Variants in SLC41A2 observed in about 807,000 individuals in gnomAD.
The protein encoded by SLC41A2 is solute carrier family 41 member 2.
A neutral mutation model predicts 58.3 loss-of-function variants in SLC41A2; 32 were observed. The observed-to-expected ratio is 0.55, with a 90% CI of 0.41 to 0.74. SLC41A2 has a LOEUF of 0.74. Ranked by LOEUF, SLC41A2 falls within the 30% of genes least tolerant of loss-of-function variation. The probability of loss-of-function intolerance (pLI) is 0.00; values close to 1 mark genes in which losing one functional copy is unlikely to be tolerated. For synonymous variants in SLC41A2, 190 were observed against 235.0 expected (o/e 0.81, Z 1.75); for missense variants, 514 against 680.6 (o/e 0.76, Z 2.72).
At chr12:104,904,357 T>C (rs1474866140) in intron 3 of SLC41A2, among the ~76,000 whole-genome samples, 2 of 152,230 alleles carry the variant, frequency 1.3e-5, no homozygotes, top group African/African-American at 4.8e-5. Flanking sequence ...CTTCTTCAAA[T>C]GTTGCCACTT....
intron 1 of SLC41A2, among the ~76,000 whole-genome samples, chr12:104,936,040 TA>T (rs35130202): frequency 0.015 from 2,161 of 144,486 alleles, 12 homozygotes; most frequent in Middle Eastern, 0.021. Flanking sequence ...GAGACTGTCT[TA>T]AAAAAAAAAA....
chr12:104,886,928 T>G (rs747388296), intron 5 of SLC41A2, among the ~76,000 whole-genome samples: 1 of 152,052 alleles, frequency 6.6e-6, no homozygotes, highest in East Asian at 1.9e-4. Flanking sequence ...CGTTGAAGTA[T>G]TAAGCAGCAG....
chr12:104,939,825 A>G (rs1474402234), intron 1 of SLC41A2, among the ~76,000 whole-genome samples: 1 of 152,186 alleles, frequency 6.6e-6, no homozygotes, highest in Non-Finnish European at 1.5e-5. Flanking sequence ...TGTTGAGCAG[A>G]TATGTATATT....
intron 3 of SLC41A2, among the ~76,000 whole-genome samples, chr12:104,898,985 A>G (rs370228238): frequency 3.3e-5 from 5 of 152,200 alleles, no homozygotes; most frequent in South Asian, 4.1e-4. Flanking sequence ...AAATGCTGGT[A>G]ACAATGTAGA....
rs1463779501 is a variant in SLC41A2, at chr12:104,895,354, G to C, written c.664-9C>G. On this transcript the variant is annotated splice_polypyrimidine_tract_variant and intron_variant, in intron 3 of 10. Coordinates refer to ENST00000258538, the MANE Select transcript of SLC41A2 (RefSeq NM_001352171.3). Reference sequence around the variant, plus strand: ...ATCTTCCCAATATTTACCTGTTAAAGTGGATATTTTCATGTATCACTGAAG... The same window carrying C: ...ATCTTCCCAATATTTACCTGTTAAACTGGATATTTTCATGTATCACTGAAG... The C allele has an allele frequency of 6.2e-7, 1 of 1,605,190 alleles. No individual in the cohort carries two copies. Among genetic ancestry groups the C allele is most frequent in the African/African-American group, 1.3e-5 (1 of 74,892 alleles).
chr12:104,870,958 C>A (rs2043741032), intron 6 of SLC41A2, among the ~76,000 whole-genome samples: 1 of 152,094 alleles, frequency 6.6e-6, no homozygotes. Context: ...TGCTAAAAAT[C>A]CCTCAAGCAT....
intron 1 of SLC41A2, among the ~76,000 whole-genome samples, chr12:104,944,302 A>C (rs2047626996): frequency 6.6e-6 from 1 of 152,176 alleles, no homozygotes; most frequent in Non-Finnish European, 1.5e-5. Context: ...GACAGCCTCC[A>C]CACCAAGGTC....
intron 10 of SLC41A2, among the ~76,000 whole-genome samples, chr12:104,814,177 G>A (rs1011936376): frequency 6.6e-6 from 1 of 152,142 alleles, no homozygotes; most frequent in African/African-American, 2.4e-5. Flanking sequence ...GCCAAGGCAG[G>A]TGGATCACTT....
rs1491116311 is a variant in SLC41A2, at chr12:104,947,194, C to CTTTTTTTTTTT, written c.-168+10893_-168+10894insAAAAAAAAAAA. Among the ~76,000 whole-genome samples, 10 of 53,666 alleles carry CTTTTTTTTTTT rather than the reference C, an allele frequency of 1.9e-4. 4 individuals carry two copies. Among genetic ancestry groups the CTTTTTTTTTTT allele is most frequent in the African/African-American group, 2.3e-4 (3 of 13,136 alleles). The allele number at this position is 53,666 out of a possible 152,430, so 35.2% of individuals were successfully genotyped here. A position where few individuals can be genotyped will look rare whatever the true frequency, so the allele number is the denominator to read the frequency against. On this transcript the variant is annotated intron_variant, in intron 1 of 10. Transcript: ENST00000258538. ...CTGAATTTCTGGCTTTTATTTTTGT[C>CTTTTTTTTTTT]CTTTTTTTTTTTTTTTTTTTTTTTT... is the stretch of plus-strand genomic sequence containing the variant.
intron 8 of SLC41A2, among the ~76,000 whole-genome samples, chr12:104,853,604 C>T (rs943909082): frequency 3.3e-5 from 5 of 152,120 alleles, no homozygotes; most frequent in African/African-American, 1.2e-4. Context: ...TAATCCATTA[C>T]CTTTACCATT....
chr12:104,808,367 G>C (rs1435733259), intron 10 of SLC41A2, among the ~76,000 whole-genome samples: 4 of 152,136 alleles, frequency 2.6e-5, no homozygotes, highest in Non-Finnish European at 5.9e-5. Flanking sequence ...GCTGGATTAT[G>C]TTTATTGATT....
At chr12:104,919,099 C>T (rs1466862162) in intron 2 of SLC41A2, among the ~76,000 whole-genome samples, 2 of 152,186 alleles carry the variant, frequency 1.3e-5, no homozygotes, top group African/African-American at 4.8e-5. Flanking sequence ...TGAAGTAATA[C>T]AATCTATAAT....
intron 6 of SLC41A2, among the ~76,000 whole-genome samples, 175 bp downstream of exon 6, chr12:104,886,118 G>C (rs991106395): frequency 5.3e-5 from 8 of 152,046 alleles, no homozygotes; most frequent in African/African-American, 1.7e-4. Flanking sequence ...CGAGAAAAAA[G>C]AAAGTGGGAA....
chr12:104,860,634 G>A (rs541205048), intron 8 of SLC41A2, among the ~76,000 whole-genome samples: 2 of 151,950 alleles, frequency 1.3e-5, no homozygotes, highest in Admixed American at 1.3e-4. Flanking sequence ...TCCCAGGCTA[G>A]CATGCAGTGG....
chr12:104,919,683 AT>A (rs1218752731), intron 2 of SLC41A2, among the ~76,000 whole-genome samples: 3 of 151,164 alleles, frequency 2.0e-5, no homozygotes, highest in Non-Finnish European at 4.4e-5. Context: ...CAATTTTCTA[AT>A]TTTTTTTTAA....
At chr12:104,910,822 T>C (rs887431707) in intron 2 of SLC41A2, among the ~76,000 whole-genome samples, 6 of 152,196 alleles carry the variant, frequency 3.9e-5, no homozygotes, top group African/African-American at 1.4e-4. Flanking sequence ...CTTTGACATA[T>C]TTTTAATGGC....
In SLC41A2 at chr12:104,911,217, G is replaced by T. The variant is rs116249708; in HGVS notation, c.556-1455C>A. ...AACTTACATGTATTGATCGATGTCT[G>T]CCTGTAACTTCTGTCCCCCAAAAAA... On this transcript the variant is annotated intron_variant, in intron 2 of 10. Transcript: ENST00000258538. Among the ~76,000 whole-genome samples, 499 of 152,140 alleles carry T rather than the reference G, an allele frequency of 3.3e-3. 5 individuals carry two copies. The highest frequency in any genetic ancestry group is 0.012 in the African/African-American group (479 of 41,486).
chr12:104,941,298 G>A (rs2047504776), intron 1 of SLC41A2, among the ~76,000 whole-genome samples: 1 of 152,164 alleles, frequency 6.6e-6, no homozygotes, highest in Admixed American at 6.5e-5. Context: ...AAAGAATAAT[G>A]TCATAACATT....
intron 10 of SLC41A2, among the ~76,000 whole-genome samples, chr12:104,830,626 T>C (rs1191279222): frequency 2.6e-5 from 4 of 152,304 alleles, no homozygotes; most frequent in East Asian, 1.9e-4. Flanking sequence ...GGAGATGATA[T>C]ACATCTCAGA....
Sources: gnomAD v4.1 joint callset for allele counts (sites outside exome capture counted in the v4.1 genomes callset) on GRCh38, gnomAD v4.1.1 for gene constraint, MANE v1.5 for transcripts, NCBI Gene and HGNC (gene_info 2026-07-23, HGNC 2026-07-21) for gene names.